ITGB5: variants seen among roughly 807,000 people sequenced by gnomAD.
The protein encoded by ITGB5 is integrin subunit beta 5, also known as integrin beta-5.
A neutral mutation model predicts 84.8 loss-of-function variants in ITGB5; 38 were observed. That is an observed-to-expected ratio of 0.45 (90% CI 0.35 to 0.59). ITGB5 has a LOEUF of 0.59. Ranked by LOEUF, ITGB5 falls within the 20% of genes least tolerant of loss-of-function variation. The probability of loss-of-function intolerance (pLI) is 0.01; values close to 1 mark genes in which losing one functional copy is unlikely to be tolerated. For synonymous variants in ITGB5, 393 were observed against 414.4 expected (o/e 0.95, Z 0.63); for missense variants, 905 against 1,034.5 (o/e 0.87, Z 1.72).
intron 7 of ITGB5, among the ~76,000 whole-genome samples, chr3:124,818,244 C>A (rs1423506104): frequency 6.6e-6 from 1 of 152,120 alleles, no homozygotes; most frequent in Non-Finnish European, 1.5e-5. Flanking sequence ...AAAGGGGCAG[C>A]CTTGAAGTAC....
intron 1 of ITGB5, among the ~76,000 whole-genome samples, chr3:124,893,871 G>A (rs549716370): frequency 7.9e-5 from 12 of 152,220 alleles, no homozygotes; most frequent in South Asian, 4.2e-4. Flanking sequence ...CTTTGGTGTT[G>A]TTGCTCTTAA....
chr3:124,764,508 A>G lies in ITGB5; in HGVS notation c.2187T>C (p.Gly729=), dbSNP rs758836252. ...NAMTILLAVV[G]SILLVGLALL... Reference sequence around the variant, plus strand: ...GTGCAAGCCCAACAAGGAGGATGCTACCGACCACAGCCAGGAGGATGGTCA... The same window carrying G: ...GTGCAAGCCCAACAAGGAGGATGCTGCCGACCACAGCCAGGAGGATGGTCA... Residue 729 remains glycine, a synonymous_variant, in exon 14 of 15, where the codon GGT becomes GGC. Coordinates refer to ENST00000296181, the MANE Select transcript of ITGB5 (RefSeq NM_002213.5). 20 of 1,613,866 alleles carry G rather than the reference A, an allele frequency of 1.2e-5. No homozygotes were observed. Among genetic ancestry groups the G allele is most frequent in the Non-Finnish European group, 1.7e-5 (20 of 1,179,936 alleles).
intron 2 of ITGB5, among the ~76,000 whole-genome samples, chr3:124,868,925 G>C (rs1380399908): frequency 6.6e-6 from 1 of 152,172 alleles, no homozygotes; most frequent in Non-Finnish European, 1.5e-5. Context: ...AGGGAGTGGT[G>C]GGAAAGGACA....
intron 4 of ITGB5, among the ~76,000 whole-genome samples, chr3:124,841,868 G>T (rs529288304): frequency 1.3e-5 from 2 of 152,312 alleles, no homozygotes; most frequent in East Asian, 3.9e-4. Flanking sequence ...GCATTGAAAG[G>T]TATGTGGGAC....
At chr3:124,816,168 C>T (rs545369446) in intron 8 of ITGB5, among the ~76,000 whole-genome samples, 12 of 152,208 alleles carry the variant, frequency 7.9e-5, no homozygotes, top group Non-Finnish European at 1.2e-4. Context: ...GCTGCCCACC[C>T]GGTTGCCTTC....
At chr3:124,807,334 C>T (rs184699443) in intron 9 of ITGB5, among the ~76,000 whole-genome samples, 60 of 152,204 alleles carry the variant, frequency 3.9e-4, no homozygotes, top group African/African-American at 1.1e-3. Flanking sequence ...GAGAATCGTT[C>T]GAACCTGGGA....
chr3:124,773,166 C>T (rs184309233), intron 11 of ITGB5, among the ~76,000 whole-genome samples: 5 of 152,288 alleles, frequency 3.3e-5, no homozygotes, highest in African/African-American at 1.2e-4. Flanking sequence ...CTTGGCCTCC[C>T]AAAGAGCTGG....
At chr3:124,782,686 T>C (rs1161249159) in intron 10 of ITGB5, among the ~76,000 whole-genome samples, 3 of 151,892 alleles carry the variant, frequency 2.0e-5, no homozygotes, top group East Asian at 1.9e-4. Context: ...GGTGAAACCC[T>C]GTCTCCACTA....
chr3:124,811,624 C>T (rs1007483181), intron 8 of ITGB5, among the ~76,000 whole-genome samples: 4 of 152,226 alleles, frequency 2.6e-5, no homozygotes, highest in Non-Finnish European at 5.9e-5. Flanking sequence ...TGGACTCCTA[C>T]TCTGTGAGTC....
Position 124,772,911 on chromosome 3 carries a change from C to CTT in ITGB5, c.1916+777_1916+778dup, listed in dbSNP as rs35802279. Among the ~76,000 whole-genome samples the CTT allele has an allele frequency of 4.6e-4, 58 of 127,296 alleles. 1 individual carries two copies. The highest frequency in any genetic ancestry group is 1.8e-3 in the South Asian group (7 of 3,874). The allele number at this position is 127,296 out of a possible 152,430, so 83.5% of individuals were successfully genotyped here. On this transcript the variant is annotated intron_variant, in intron 11 of 14. Transcript: ENST00000296181. ...GTCGGGTGCCTTTCTCTCCAATTTA[C>CTT]TTTTTTTTTTTTTTTTTTTTGAGAC...
At chr3:124,838,264 A>T (rs2064964281) in intron 5 of ITGB5, among the ~76,000 whole-genome samples, 1 of 152,192 alleles carries the variant, frequency 6.6e-6, no homozygotes, top group Non-Finnish European at 1.5e-5. Flanking sequence ...AATATTAAAC[A>T]AAAAGCCAAA....
At chr3:124,845,033 T>C (rs977501614) in intron 4 of ITGB5, among the ~76,000 whole-genome samples, 11 of 152,194 alleles carry the variant, frequency 7.2e-5, no homozygotes, top group African/African-American at 2.7e-4. Flanking sequence ...AGCTTATAAA[T>C]TGCATGAAAA....
At chr3:124,808,928 G>T in intron 9 of ITGB5, 94 bp downstream of exon 9, 17 of 1,359,054 alleles carry the variant, frequency 1.3e-5, no homozygotes, top group Admixed American at 2.1e-5. Flanking sequence ...TATAAATTCC[G>T]AAAGGACTCT....
intron 5 of ITGB5, among the ~76,000 whole-genome samples, chr3:124,836,697 T>C (rs1241099575): frequency 1.3e-5 from 2 of 152,174 alleles, no homozygotes; most frequent in Non-Finnish European, 2.9e-5. Context: ...CAATATACTG[T>C]AGGATTCTGG....
At chr3:124,899,653 T>C (rs949431757) in intron 1 of ITGB5, among the ~76,000 whole-genome samples, 4 of 151,916 alleles carry the variant, frequency 2.6e-5, no homozygotes, top group African/African-American at 7.3e-5. Context: ...CCAGGGATCA[T>C]AGCCAGCCTG....
chr3:124,843,629 G>T (rs943995671), intron 4 of ITGB5, among the ~76,000 whole-genome samples: 1 of 152,214 alleles, frequency 6.6e-6, no homozygotes, highest in Non-Finnish European at 1.5e-5. Context: ...TAGGAAAAGA[G>T]CTTTGTCACA....
At position 124,898,643 on chromosome 3, in the gene ITGB5, C is replaced by CAAAAAAAAAAAAAAAAAAAAAA. The variant is rs68025034; in HGVS notation, c.-255+2601_-255+2622dup. Among the ~76,000 whole-genome samples the CAAAAAAAAAAAAAAAAAAAAAA allele has an allele frequency of 1.4e-4, 4 of 29,274 alleles. 1 individual carries two copies. The highest frequency in any genetic ancestry group is 2.1e-3 in the South Asian group (1 of 482). 19.2% of individuals were successfully genotyped at this position (29,274 alleles called of 152,430 possible). On this transcript the variant is annotated intron_variant, in intron 1 of 4. Transcript: ENST00000608657. ...TAGGCGACACAGCGAGACTCCGTCT[C>CAAAAAAAAAAAAAAAAAAAAAA]AAAAAAAAAAAAAAAAAAAAAAAAA...
chr3:124,807,069 G>T (rs1231591400), intron 9 of ITGB5, among the ~76,000 whole-genome samples: 1 of 152,176 alleles, frequency 6.6e-6, no homozygotes, highest in African/African-American at 2.4e-5. Context: ...CAAGAGTTTT[G>T]TAACAGCAAT....
At chr3:124,882,393 G>A (rs1214190165) in intron 1 of ITGB5, among the ~76,000 whole-genome samples, 1 of 152,230 alleles carries the variant, frequency 6.6e-6, no homozygotes, top group African/African-American at 2.4e-5. Context: ...GCTGGGAGCG[G>A]CCAGGGAAAA....
Sources: gnomAD v4.1 joint callset for allele counts (sites outside exome capture counted in the v4.1 genomes callset) on GRCh38, gnomAD v4.1.1 for gene constraint, MANE v1.5 for transcripts, NCBI Gene and HGNC (gene_info 2026-07-23, HGNC 2026-07-21) for gene names.